SCYL1: variants seen among roughly 807,000 people sequenced by gnomAD.
SCYL1 encodes N-terminal kinase-like protein.
In SCYL1, 85 loss-of-function variants were observed where a neutral mutation model predicts 94.8. The ratio of observed to expected loss-of-function variants is 0.90; its 90% CI spans 0.75 to 1.07. The LOEUF (loss-of-function observed/expected upper bound fraction) is 1.07. SCYL1 is among the 50% of genes least tolerant of loss of function. The probability of loss-of-function intolerance (pLI) is 0.00; values close to 1 mark genes in which losing one functional copy is unlikely to be tolerated. For missense variants in SCYL1, 968 were observed against 1,083.3 expected (o/e 0.89, Z 1.49); for synonymous variants, 459 against 435.5 (o/e 1.05, Z -0.67).
In SCYL1 at chr11:65,537,899, G is replaced by T. The variant is rs530908409; in HGVS notation, c.2031+19G>T. The T allele has an allele frequency of 6.3e-7, 1 of 1,579,832 alleles. No individual in the cohort carries two copies. The highest frequency in any genetic ancestry group is 2.3e-5 in the East Asian group (1 of 43,484). On this transcript the variant is annotated intron_variant, in intron 15 of 17. Coordinates refer to ENST00000270176, the MANE Select transcript of SCYL1 (RefSeq NM_020680.4). The stretch of plus-strand genomic sequence containing the variant: ...TAGTCAGGTGAGCTGGGTCTGGTGG[G>T]GAGGTGTGTGTATGGGGCTCTTTCC...
At chr11:65,535,913 G>T in intron 10 of SCYL1, 40 bp from the exon 11 acceptor site, 2 of 1,519,464 alleles carry the variant, frequency 1.3e-6, no homozygotes, top group South Asian at 2.6e-5. Context: ...TCCCAACATT[G>T]ACCCTACACT....
In SCYL1 at chr11:65,526,696, A is replaced by T; in HGVS notation, c.603-87A>T. 7.7e-7 allele frequency: 1 copy of T among 1,291,686 alleles called. No homozygotes were observed. Among genetic ancestry groups the T allele is most frequent in the Non-Finnish European group, 1.1e-6 (1 of 917,922 alleles). 80.0% of individuals were successfully genotyped at this position (1,291,686 alleles called of 1,614,324 possible). ...CTGAGGGACATAGCCAGGCCCTGGC[A>T]TGCAGTGGGTGCCTGGTGCCCAAGG... On this transcript the variant is annotated intron_variant, in intron 4 of 17. Coordinates refer to ENST00000270176, the MANE Select transcript of SCYL1 (RefSeq NM_020680.4). This position sits in a 1 kb window ranked among gnomAD's most constrained non-coding sequence, Gnocchi z 4.1.
At position 65,525,198 on chromosome 11, in the gene SCYL1, G is replaced by A; in HGVS notation, c.45G>A (p.Glu15=). 1 of 1,457,260 alleles carries A rather than the reference G, an allele frequency of 6.9e-7. No homozygotes were observed. The highest frequency in any genetic ancestry group is 9.1e-7 in the Non-Finnish European group (1 of 1,100,816). The allele number at this position is 1,457,260 out of a possible 1,614,324, so 90.3% of individuals were successfully genotyped here. ...ACCCGGTCCGGGACTTTCCGTTCGA[G>A]CTCATCCCGGAGCCCCCAGAGGGCG... The part of the protein sequence containing the change: ...ARDPVRDFPF[E]LIPEPPEGGL... Residue 15 remains glutamate, a synonymous_variant, in exon 1 of 18, where the codon GAG becomes GAA. Transcript: ENST00000270176.
Position 65,538,609 on chromosome 11 carries a change from C to T in SCYL1, c.*43C>T, listed in dbSNP as rs1308268313. The T allele has an allele frequency of 1.3e-6, 2 of 1,591,624 alleles. No homozygotes were observed. The highest frequency in any genetic ancestry group is 1.7e-6 in the Non-Finnish European group (2 of 1,169,684). On this transcript the variant is annotated 3_prime_UTR_variant, in exon 18 of 18. Coordinates refer to ENST00000270176, the MANE Select transcript of SCYL1 (RefSeq NM_020680.4). ...TCCCGGCTGCGGAGAGCCCGCCCCA[C>T]AGATGTATTTATTGTACAAACCATG...
chr11:65,529,345 C>G (rs1855254564), intron 6 of SCYL1, among the ~76,000 whole-genome samples: 1 of 152,222 alleles, frequency 6.6e-6, no homozygotes, highest in Non-Finnish European at 1.5e-5. Context: ...CCAAGCTACC[C>G]TTCTCCTTAA....
At chr11:65,527,300 A>C (rs926014433) in intron 6 of SCYL1, among the ~76,000 whole-genome samples, 183 bp downstream of exon 6, 4 of 152,198 alleles carry the variant, frequency 2.6e-5, no homozygotes, top group Non-Finnish European at 4.4e-5. Flanking sequence ...GCTGAAGTTC[A>C]GTCCCAATAA....
intron 14 of SCYL1, 84 bp downstream of exon 14, chr11:65,537,212 C>A: frequency 6.7e-7 from 1 of 1,490,432 alleles, no homozygotes; most frequent in Non-Finnish European, 9.2e-7. Flanking sequence ...TGGGGCCTGG[C>A]TGGAGTTGGC....
At chr11:65,527,490 G>A (rs556817603) in intron 6 of SCYL1, among the ~76,000 whole-genome samples, 1 of 152,232 alleles carries the variant, frequency 6.6e-6, no homozygotes, top group East Asian at 1.9e-4. Flanking sequence ...TGTAATCCCA[G>A]CACTTTGGGA....
At chr11:65,534,638 AAGAT>A (rs1310142232) in intron 9 of SCYL1, among the ~76,000 whole-genome samples, 1 of 152,188 alleles carries the variant, frequency 6.6e-6, no homozygotes, top group Non-Finnish European at 1.5e-5. Context: ...GTCAGCTCAC[AAGAT>A]GGCATTGAAA....
rs1855704083 is a variant in SCYL1, at chr11:65,537,124, T to C, written c.1955T>C (p.Leu652Pro). The change falls in exon 14 of 18, where the codon CTG (leucine) becomes CCG (proline). Residue 652 changes from leucine to proline, a missense_variant. Physicochemically the swap from Leu to Pro is moderately conservative, Grantham distance 98. Coordinates refer to ENST00000270176, the MANE Select transcript of SCYL1 (RefSeq NM_020680.4). ...DRWDDEDWGS[L>P]EQEAESVLAQ... ...TGGGACGACGAAGACTGGGGCAGCC[T>C]GGAGGTGTGTGGGGCTGAGGGAGCC... is the stretch of plus-strand genomic sequence containing the variant. 1.2e-6 allele frequency: 2 copies of C among 1,614,090 alleles called. No homozygotes were observed. Among genetic ancestry groups the C allele is most frequent in the Non-Finnish European group, 1.7e-6 (2 of 1,179,972 alleles).
chr11:65,528,148 A>C (rs1855183237), intron 6 of SCYL1, among the ~76,000 whole-genome samples: 1 of 152,148 alleles, frequency 6.6e-6, no homozygotes, highest in African/African-American at 2.4e-5. Context: ...AAAACATAAA[A>C]ACCATAAATA....
In SCYL1 at chr11:65,532,687, C is replaced by T. The variant is rs1565074316; in HGVS notation, c.1117-5C>T. 1 of 1,611,980 alleles carries T rather than the reference C, an allele frequency of 6.2e-7. No individual in the cohort carries two copies. Among genetic ancestry groups the T allele is most frequent in the Non-Finnish European group, 8.5e-7 (1 of 1,178,160 alleles). On this transcript the variant is annotated splice_region_variant and splice_polypyrimidine_tract_variant and intron_variant, in intron 8 of 17. Coordinates refer to ENST00000270176, the MANE Select transcript of SCYL1 (RefSeq NM_020680.4). ...CATGTTGACGCATCCCAACCTGGGC[C>T]ACAGATGGAGCAGTTCATCCAGTAC...
intron 9 of SCYL1, among the ~76,000 whole-genome samples, chr11:65,534,705 C>T (rs1403461854): frequency 6.6e-6 from 1 of 152,088 alleles, no homozygotes; most frequent in African/African-American, 2.4e-5. Flanking sequence ...AGAAAAGAGC[C>T]CTCTAGATTG....
At position 65,526,701 on chromosome 11, in the gene SCYL1, G is replaced by C; in HGVS notation, c.603-82G>C. 5 of 1,371,034 alleles carry C rather than the reference G, an allele frequency of 3.6e-6. No individual in the cohort carries two copies. In the South Asian group the frequency reaches 6.2e-5, roughly 17 times the overall value. 84.9% of individuals were successfully genotyped at this position (1,371,034 alleles called of 1,614,324 possible). On this transcript the variant is annotated intron_variant, in intron 4 of 17. Transcript: ENST00000270176. The surrounding 1 kb of genome is among the most constrained non-coding windows in gnomAD (Gnocchi z 4.1). ...GGACATAGCCAGGCCCTGGCATGCA[G>C]TGGGTGCCTGGTGCCCAAGGCAGGC...
chr11:65,535,464 G>T, intron 10 of SCYL1, 82 bp downstream of exon 10: 1 of 1,537,362 alleles, frequency 6.5e-7, no homozygotes, highest in Admixed American at 1.7e-5. Flanking sequence ...CTTGTGTGTG[G>T]GGGCCTTCAT....
In SCYL1 at chr11:65,525,126, G is replaced by T. The variant is rs774313814; in HGVS notation, c.-28G>T. The T allele has an allele frequency of 4.6e-6, 6 of 1,301,592 alleles. No homozygotes were observed. Among genetic ancestry groups the T allele is most frequent in the Non-Finnish European group, 4.9e-6 (5 of 1,014,708 alleles). The allele number at this position is 1,301,592 out of a possible 1,614,324, so 80.6% of individuals were successfully genotyped here. ...CGGCCGGAGGACCCGGAGCTAAGGC[G>T]CCCGAACCCGCGGCGGCGGTGGGGA... is the stretch of plus-strand genomic sequence containing the variant. On this transcript the variant is annotated 5_prime_UTR_variant, in exon 1 of 18. Transcript: ENST00000270176.
chr11:65,533,765 G>A (rs889597804), intron 9 of SCYL1, among the ~76,000 whole-genome samples: 1 of 152,094 alleles, frequency 6.6e-6, no homozygotes, highest in Admixed American at 6.6e-5. Flanking sequence ...GGGCAACAGA[G>A]TGAGACCTCA....
At position 65,536,157 on chromosome 11, in the gene SCYL1, G is replaced by T. The variant is rs768011303; in HGVS notation, c.1575+16G>T. On this transcript the variant is annotated intron_variant, in intron 11 of 17. Coordinates refer to ENST00000270176, the MANE Select transcript of SCYL1 (RefSeq NM_020680.4). ...GCGAGACCAGGTGAGGCACAGCTGGGCCTGGGCCCTGGGCTGGGGCTGTAG... is the reference window on the plus strand; with the variant it reads ...GCGAGACCAGGTGAGGCACAGCTGGTCCTGGGCCCTGGGCTGGGGCTGTAG... 6.2e-7 allele frequency: 1 copy of T among 1,610,990 alleles called. No individual in the cohort carries two copies. The highest frequency in any genetic ancestry group is 8.5e-7 in the Non-Finnish European group (1 of 1,177,920).
intron 8 of SCYL1, 30 bp from the exon 9 acceptor site, chr11:65,532,662 C>A: frequency 6.5e-7 from 1 of 1,548,812 alleles, no homozygotes; most frequent in South Asian, 1.1e-5. Flanking sequence ...AAGGGCTGAC[C>A]ATGTTGACGC....
Sources: allele counts gnomAD v4.1 joint callset (sites outside exome capture counted in the v4.1 genomes callset), GRCh38; gene constraint gnomAD v4.1.1; non-coding constraint Gnocchi (gnomAD v3.1); transcripts MANE v1.5; gene names NCBI Gene and HGNC (gene_info 2026-07-23, HGNC 2026-07-21).